PTPRT: variants seen among roughly 807,000 people sequenced by gnomAD.
PTPRT encodes the protein protein tyrosine phosphatase receptor type T, also known as receptor-type tyrosine-protein phosphatase T.
Under a neutral mutation model 176.8 loss-of-function variants are expected in PTPRT, and 56 were observed. That is an observed-to-expected ratio of 0.32 (90% confidence interval 0.26 to 0.40). The LOEUF (loss-of-function observed/expected upper bound fraction) is 0.40. Ranked by LOEUF, PTPRT falls within the 10% of genes least tolerant of loss-of-function variation. PTPRT has a pLI of 1.00. For missense variants in PTPRT, 1,540 were observed against 1,908.2 expected (o/e 0.81, Z 3.60); for synonymous variants, 783 against 739.0 (o/e 1.06, Z -0.96).
At chr20:42,399,773 C>T (rs2058887477) in intron 9 of PTPRT, among the ~76,000 whole-genome samples, 1 of 152,176 alleles carries the variant, frequency 6.6e-6, no homozygotes, top group South Asian at 2.1e-4. Context: ...TATTTACTGA[C>T]TCATCTTGCA....
chr20:42,351,217 C>G (rs1359140262), intron 10 of PTPRT, among the ~76,000 whole-genome samples: 1 of 151,576 alleles, frequency 6.6e-6, no homozygotes. Flanking sequence ...TTTGTAGTAA[C>G]AGCTATTAAA....
At position 42,645,764 on chromosome 20, in the gene PTPRT, ATGTG is replaced by A. The variant is rs59454108; in HGVS notation, c.1153+32098_1153+32101del. On this transcript the variant is annotated intron_variant, in intron 7 of 30. Transcript: ENST00000373187. Reference sequence around the variant, plus strand: ...TATGTTTCAGATGGGATGTGTATTTATGTGTGTGTGTGTGTGTGTGTGTGTGTGT... The same window carrying A: ...TATGTTTCAGATGGGATGTGTATTTATGTGTGTGTGTGTGTGTGTGTGTGT... Among the ~76,000 whole-genome samples the A allele has an allele frequency of 9.4e-3, 1,307 of 139,538 alleles. 12 individuals carry two copies. The highest frequency in any genetic ancestry group is 0.022 in the African/African-American group (855 of 38,234). The allele number at this position is 139,538 out of a possible 152,430, so 91.5% of individuals were successfully genotyped here. A position where few individuals can be genotyped will look rare whatever the true frequency, so the allele number is the denominator to read the frequency against.
At chr20:42,670,988 C>T (rs138554414) in intron 7 of PTPRT, among the ~76,000 whole-genome samples, 1 of 152,182 alleles carries the variant, frequency 6.6e-6, no homozygotes, top group East Asian at 1.9e-4. Context: ...TGAGGAAGAG[C>T]TTCTTCTATC....
At chr20:42,551,063 T>C (rs2072762025) in intron 7 of PTPRT, among the ~76,000 whole-genome samples, 1 of 152,172 alleles carries the variant, frequency 6.6e-6, no homozygotes, top group Admixed American at 6.6e-5. Flanking sequence ...TGATAGCTTC[T>C]TCATGCATTG....
chr20:42,622,264 C>T (rs6102954), intron 7 of PTPRT, among the ~76,000 whole-genome samples: 31,255 of 150,148 alleles, frequency 0.21, 4,471 homozygotes, highest in African/African-American at 0.41. Context: ...TTTTTTGAGA[C>T]GGAGTCTCAC....
chr20:42,265,987 AAGAG>A lies in PTPRT; in HGVS notation c.2176+16498_2176+16501del, dbSNP rs1406715905. The stretch of plus-strand genomic sequence containing the variant: ...TTTAAAGAATTTCCAGCGAAATAAT[AAGAG>A]AGAGTTTTAACATGAGGTACACAGG... On this transcript the variant is annotated intron_variant, in intron 13 of 30. Coordinates refer to ENST00000373187, the MANE Select transcript of PTPRT (RefSeq NM_007050.6). Among the ~76,000 whole-genome samples, 5 of 152,148 alleles carry A rather than the reference AAGAG, an allele frequency of 3.3e-5. No individual in the cohort carries two copies. The East Asian group carries it at 7.7e-4, about 23-fold the overall frequency.
intron 13 of PTPRT, among the ~76,000 whole-genome samples, chr20:42,281,700 A>G (rs924450555): frequency 9.2e-5 from 14 of 152,138 alleles, no homozygotes; most frequent in African/African-American, 2.7e-4. Flanking sequence ...CTATGAAACT[A>G]TGGATGCTGC....
intron 1 of PTPRT, among the ~76,000 whole-genome samples, chr20:42,925,015 T>C (rs182339929): frequency 1.8e-3 from 269 of 152,302 alleles, no homozygotes; most frequent in Admixed American, 6.3e-3. Context: ...TGCGGCTGCA[T>C]TGAGCCTTTC....
intron 6 of PTPRT, among the ~76,000 whole-genome samples, chr20:42,726,066 ATTAT>A (rs2076375637): frequency 8.4e-6 from 1 of 119,752 alleles, no homozygotes; most frequent in African/African-American, 3.1e-5. Flanking sequence ...CTTTATTATT[ATTAT>A]TATTATTATT....
intron 7 of PTPRT, among the ~76,000 whole-genome samples, chr20:42,477,655 T>C (rs1239168631): frequency 6.6e-6 from 1 of 152,162 alleles, no homozygotes; most frequent in African/African-American, 2.4e-5. Context: ...CCCGTGTAAA[T>C]ACAGCCAAGC....
intron 9 of PTPRT, among the ~76,000 whole-genome samples, chr20:42,358,161 G>A (rs941205502): frequency 2.1e-4 from 32 of 149,770 alleles, no homozygotes; most frequent in African/African-American, 7.8e-4. Context: ...AATATACCAT[G>A]GCTATGCAAG....
At chr20:43,121,239 A>G (rs1282781187) in intron 1 of PTPRT, among the ~76,000 whole-genome samples, 1 of 152,174 alleles carries the variant, frequency 6.6e-6, no homozygotes, top group Non-Finnish European at 1.5e-5. Context: ...AATATATCAC[A>G]ATTTATCCAT....
chr20:42,806,319 A>C (rs948782992), intron 2 of PTPRT, among the ~76,000 whole-genome samples: 1 of 151,978 alleles, frequency 6.6e-6, no homozygotes, highest in Non-Finnish European at 1.5e-5. Context: ...CCCCATCTCT[A>C]CTAAAAATAT....
intron 2 of PTPRT, among the ~76,000 whole-genome samples, chr20:42,870,872 C>G (rs915780466): frequency 5.3e-5 from 8 of 151,764 alleles, no homozygotes; most frequent in African/African-American, 1.9e-4. Context: ...AGTGGCCACC[C>G]TAATGGGTGT....
At chr20:42,832,538 A>C (rs978655823) in intron 2 of PTPRT, among the ~76,000 whole-genome samples, 9 of 150,434 alleles carry the variant, frequency 6.0e-5, no homozygotes, top group Admixed American at 3.3e-4. Context: ...AGCATTTTTT[A>C]ATGTAGAGAG....
chr20:42,072,306 T>A, downstream of PTPRT, among the ~76,000 whole-genome samples: 1 of 152,198 alleles, frequency 6.6e-6, no homozygotes, highest in East Asian at 1.9e-4. Flanking sequence ...TGAGCTCAGC[T>A]TAGATCAGAG....
intron 1 of PTPRT, among the ~76,000 whole-genome samples, chr20:42,932,138 C>T (rs1979895944): frequency 1.3e-5 from 2 of 152,210 alleles, no homozygotes; most frequent in Admixed American, 1.3e-4. Context: ...GAACACAGGG[C>T]TGTGCAGGTG....
chr20:42,818,833 T>C (rs993620660), intron 2 of PTPRT, among the ~76,000 whole-genome samples: 7 of 151,868 alleles, frequency 4.6e-5, no homozygotes, highest in African/African-American at 1.7e-4. Context: ...AAATAAGATA[T>C]GCAGACAAGA....
chr20:42,449,533 C>T (rs748122442), intron 8 of PTPRT, among the ~76,000 whole-genome samples: 37 of 152,172 alleles, frequency 2.4e-4, no homozygotes, highest in Non-Finnish European at 4.0e-4. Flanking sequence ...ATTTTACCTA[C>T]ATTATTTCAC....
Sources: allele counts gnomAD v4.1 joint callset (sites outside exome capture counted in the v4.1 genomes callset), GRCh38; gene constraint gnomAD v4.1.1; transcripts MANE v1.5; gene names NCBI Gene and HGNC (gene_info 2026-07-23, HGNC 2026-07-21).